ERBB4: variants seen among roughly 807,000 people sequenced by gnomAD.
The protein encoded by ERBB4 is receptor tyrosine-protein kinase erbB-4.
Under a neutral mutation model 158.0 loss-of-function variants are expected in ERBB4, and 42 were observed. That is an observed-to-expected ratio of 0.27 (90% CI 0.21 to 0.34). The LOEUF is 0.34. ERBB4 is among the 10% of genes least tolerant of loss of function. ERBB4 has a pLI of 1.00. For missense variants in ERBB4, 1,333 were observed against 1,624.1 expected (o/e 0.82, Z 3.08); for synonymous variants, 583 against 558.7 (o/e 1.04, Z -0.61).
At chr2:211,655,865 T>G (rs2105895370) in intron 16 of ERBB4, among the ~76,000 whole-genome samples, 1 of 152,326 alleles carries the variant, frequency 6.6e-6, no homozygotes. Context: ...AGTGCCACTG[T>G]TGTAGAAATC....
chr2:212,236,510 T>A (rs2083880757), intron 1 of ERBB4, among the ~76,000 whole-genome samples: 1 of 152,232 alleles, frequency 6.6e-6, no homozygotes, highest in Non-Finnish European at 1.5e-5. Context: ...TTCCTCTTTT[T>A]CGATTGTTTG....
At chr2:212,487,032 T>A (rs1028844652) in intron 1 of ERBB4, among the ~76,000 whole-genome samples, 1 of 152,182 alleles carries the variant, frequency 6.6e-6, no homozygotes, top group Non-Finnish European at 1.5e-5. Flanking sequence ...TTTTTACTGT[T>A]ACTCATGTTT....
intron 1 of ERBB4, among the ~76,000 whole-genome samples, chr2:212,340,022 C>T (rs1036400994): frequency 1.1e-4 from 16 of 151,088 alleles, no homozygotes; most frequent in African/African-American, 3.9e-4. Flanking sequence ...TTAACACTTT[C>T]ATATTCCTAG....
intron 1 of ERBB4, among the ~76,000 whole-genome samples, chr2:212,502,789 T>C (rs1288671061): frequency 6.6e-6 from 1 of 152,170 alleles, no homozygotes; most frequent in Non-Finnish European, 1.5e-5. Context: ...ATTGTTTTTT[T>C]GAGACAGGGT....
intron 2 of ERBB4, among the ~76,000 whole-genome samples, chr2:212,043,304 G>A (rs1020982727): frequency 6.6e-6 from 1 of 152,022 alleles, no homozygotes; most frequent in African/African-American, 2.4e-5. Context: ...TGTTTATTTT[G>A]CCTCAGGTCA....
chr2:211,580,907 A>AGATACACAC (rs58483804), intron 19 of ERBB4, among the ~76,000 whole-genome samples: 1 of 91,816 alleles, frequency 1.1e-5, no homozygotes, highest in Non-Finnish European at 2.1e-5. Flanking sequence ...ATATATATAT[A>AGATACACAC]TATATATATG....
At position 211,694,665 on chromosome 2, in the gene ERBB4, G is replaced by T. The variant is rs1294184976; in HGVS notation, c.1489+7302C>A. 2.0e-5 allele frequency among the ~76,000 whole-genome samples: 3 copies of T among 151,678 alleles called. No individual in the cohort carries two copies. The East Asian group carries it at 5.8e-4, about 29-fold the overall frequency. ...AGATTTTCTATTTTCTGATTACTCA[G>T]AAGAATAGCGACTTCACTATATTCA... On this transcript the variant is annotated intron_variant, in intron 12 of 27. Coordinates refer to ENST00000342788, the MANE Select transcript of ERBB4 (RefSeq NM_005235.3).
chr2:211,853,163 T>C (rs2077760342), intron 3 of ERBB4, among the ~76,000 whole-genome samples: 1 of 151,994 alleles, frequency 6.6e-6, no homozygotes, highest in Non-Finnish European at 1.5e-5. Flanking sequence ...CCAATGCTTA[T>C]ATGGTTTTAG....
chr2:211,820,375 G>A (rs1032715812), intron 3 of ERBB4, among the ~76,000 whole-genome samples: 2 of 151,766 alleles, frequency 1.3e-5, no homozygotes, highest in Non-Finnish European at 1.5e-5. Context: ...TACCAAGATT[G>A]AGCCAAGAAG....
At chr2:211,557,957 T>A (rs2067283609) in intron 20 of ERBB4, among the ~76,000 whole-genome samples, 1 of 152,138 alleles carries the variant, frequency 6.6e-6, no homozygotes, top group African/African-American at 2.4e-5. Context: ...CAAGATCATA[T>A]CCTTTGCAGG....
At chr2:211,460,527 T>C (rs888595219) in intron 20 of ERBB4, among the ~76,000 whole-genome samples, 3 of 152,156 alleles carry the variant, frequency 2.0e-5, no homozygotes, top group Admixed American at 1.3e-4. Flanking sequence ...ATAATCACTG[T>C]TTTAAAACCA....
chr2:212,248,110 T>A (rs772603688), intron 1 of ERBB4, among the ~76,000 whole-genome samples: 68 of 152,320 alleles, frequency 4.5e-4, no homozygotes, highest in Non-Finnish European at 8.4e-4. Flanking sequence ...ATTTTGTTTT[T>A]ACTTTTGTGA....
intron 1 of ERBB4, among the ~76,000 whole-genome samples, chr2:212,267,388 C>G (rs990554283): frequency 1.3e-5 from 2 of 151,650 alleles, no homozygotes; most frequent in Admixed American, 1.3e-4. Context: ...ATTCCAGAAT[C>G]TATATACAAG....
At chr2:211,706,563 T>TTCTTC (rs1215089459) in intron 9 of ERBB4, among the ~76,000 whole-genome samples, 1 of 151,526 alleles carries the variant, frequency 6.6e-6, no homozygotes, top group Non-Finnish European at 1.5e-5. Flanking sequence ...CATCAGCATA[T>TTCTTC]TCTTCTCTAC....
At chr2:212,454,129 T>C (rs1574950302) in intron 1 of ERBB4, among the ~76,000 whole-genome samples, 1 of 151,914 alleles carries the variant, frequency 6.6e-6, no homozygotes, top group East Asian at 1.9e-4. Flanking sequence ...TTAGTAGAGA[T>C]GGGGTTTCAC....
chr2:212,369,853 G>A (rs1411607169), intron 1 of ERBB4, among the ~76,000 whole-genome samples: 1 of 152,044 alleles, frequency 6.6e-6, no homozygotes, highest in Non-Finnish European at 1.5e-5. Context: ...CACTGCATCT[G>A]GCTGGAATAT....
chr2:212,430,199 C>A (rs1269780903), intron 1 of ERBB4, among the ~76,000 whole-genome samples: 1 of 152,140 alleles, frequency 6.6e-6, no homozygotes. Context: ...TATATACATA[C>A]ATACGATGTG....
At chr2:212,402,406 G>T (rs969157534) in intron 1 of ERBB4, among the ~76,000 whole-genome samples, 14 of 152,030 alleles carry the variant, frequency 9.2e-5, no homozygotes, top group African/African-American at 3.1e-4. Flanking sequence ...TGAATAAATC[G>T]ATCCTTTCAG....
Position 211,595,044 on chromosome 2 carries a change from G to A in ERBB4, c.2301+24133C>T, listed in dbSNP as rs565283188. On this transcript the variant is annotated intron_variant, in intron 19 of 27. Coordinates refer to ENST00000342788, the MANE Select transcript of ERBB4 (RefSeq NM_005235.3). ...GTCTTTTTGTCTTTACATATACCTA[G>A]GAAGTGGTTTAAGTTACACCCTGAG... 2.0e-4 allele frequency among the ~76,000 whole-genome samples: 31 copies of A among 152,138 alleles called. 2 individuals carry two copies. The East Asian group carries it at 5.4e-3, about 27-fold the overall frequency.
Sources: gnomAD v4.1 joint callset for allele counts (sites outside exome capture counted in the v4.1 genomes callset) on GRCh38, gnomAD v4.1.1 for gene constraint, MANE v1.5 for transcripts, NCBI Gene and HGNC (gene_info 2026-07-23, HGNC 2026-07-21) for gene names.